The following FANCC variants were observed in gnomAD, a reference collection of about 807,000 sequenced individuals.
FANCC encodes Fanconi anemia group C protein.
In FANCC, 55 loss-of-function variants were observed where a neutral mutation model predicts 71.3. That is an observed-to-expected ratio of 0.77 (90% CI 0.62 to 0.97). The LOEUF is 0.97. Among genes scored for constraint, FANCC ranks in the 50% least tolerant of loss-of-function variants. The pLI, the probability that FANCC is intolerant of heterozygous loss-of-function variation, is 0.00. For missense variants in FANCC, 678 were observed against 670.9 expected, an observed-to-expected ratio of 1.01 and a Z score of -0.12; for synonymous variants, 275 against 244.9, an observed-to-expected ratio of 1.12 and a Z score of -1.15.
At chr9:95,248,549 T>C (rs1831137203) in intron 2 of FANCC, among the ~76,000 whole-genome samples, 2 of 152,198 alleles carry the variant, frequency 1.3e-5, no homozygotes, top group Non-Finnish European at 2.9e-5. Context: ...TTGCTTTTCA[T>C]TTTGAAATTA....
At chr9:95,187,862 G>A (rs1352690609) in intron 4 of FANCC, among the ~76,000 whole-genome samples, 1 of 152,124 alleles carries the variant, frequency 6.6e-6, no homozygotes, top group Non-Finnish European at 1.5e-5. Flanking sequence ...CGTGTGTGGT[G>A]AGATTACTTG....
intron 4 of FANCC, among the ~76,000 whole-genome samples, chr9:95,199,377 A>G (rs1219638138): frequency 6.6e-6 from 1 of 150,808 alleles, no homozygotes; most frequent in Non-Finnish European, 1.5e-5. Flanking sequence ...GGCCCCTCCT[A>G]CTCACCATGC....
intron 4 of FANCC, among the ~76,000 whole-genome samples, chr9:95,204,990 A>G (rs930280350): frequency 3.3e-5 from 5 of 152,274 alleles, no homozygotes; most frequent in Non-Finnish European, 7.3e-5. Context: ...AAGCTTGGCA[A>G]GAAGCATCAG....
chr9:95,278,840 C>T lies in FANCC; in HGVS notation c.-78-29471G>A, dbSNP rs534504917. Among the ~76,000 whole-genome samples the T allele has an allele frequency of 1.4e-4, 17 of 120,148 alleles. No individual in the cohort carries two copies. The South Asian group carries it at 4.0e-3, about 29-fold the overall frequency. The allele number at this position is 120,148 out of a possible 152,430, so 78.8% of individuals were successfully genotyped here. On this transcript the variant is annotated intron_variant, in intron 1 of 14. Transcript: ENST00000289081. ...GAGTAGCCACTAAAAAAAAAAAATTCAAAAAGAATAGTGAAAACATCATTA... is the reference window on the plus strand; with the variant it reads ...GAGTAGCCACTAAAAAAAAAAAATTTAAAAAGAATAGTGAAAACATCATTA...
At chr9:95,292,023 C>T (rs116136848) in intron 1 of FANCC, among the ~76,000 whole-genome samples, 1,439 of 136,310 alleles carry the variant, frequency 0.011, 26 homozygotes, top group African/African-American at 0.037. Context: ...AGCAATCTTG[C>T]GTCAAAAAAA....
At position 95,171,103 on chromosome 9, in the gene FANCC, A is replaced by C. The variant is rs768672598; in HGVS notation, c.497T>G (p.Leu166Arg). The C allele has an allele frequency of 7.4e-6, 12 of 1,613,614 alleles. No individual in the cohort carries two copies. Among genetic ancestry groups the C allele is most frequent in the Non-Finnish European group, 1.0e-5 (12 of 1,179,650 alleles). The change falls in exon 6 of 15, where the codon CTT becomes CGT. Residue 166 changes from leucine (L) to arginine (R), a missense_variant. Physicochemically the swap from Leu to Arg is moderately radical, Grantham distance 102 (BLOSUM62 -2). Transcript: ENST00000289081. ...SLASELRENH[L>R]NGFNTQRRMA... ...CCGCCTTTGAGTGTTAAATCCATTAAGATGATTCTCTCTGAGTTCAGACGC... is the reference window on the plus strand; with the variant it reads ...CCGCCTTTGAGTGTTAAATCCATTACGATGATTCTCTCTGAGTTCAGACGC...
At chr9:95,119,412 CT>C (rs1382455638) in intron 10 of FANCC, among the ~76,000 whole-genome samples, 2 of 147,436 alleles carry the variant, frequency 1.4e-5, no homozygotes, top group African/African-American at 5.1e-5. Flanking sequence ...TGTTGCCAAG[CT>C]GGAGTGCAGT....
chr9:95,252,894 A>C (rs1191141178), intron 1 of FANCC, among the ~76,000 whole-genome samples: 1 of 150,762 alleles, frequency 6.6e-6, no homozygotes, highest in African/African-American at 2.5e-5. Flanking sequence ...AAAAAAAAAA[A>C]ATTTTTTTTT....
intron 1 of FANCC, among the ~76,000 whole-genome samples, chr9:95,309,787 T>TG (rs1378168588): frequency 6.6e-6 from 1 of 152,130 alleles, no homozygotes. Flanking sequence ...GTTTGTGGGG[T>TG]GGGGGTGTTG....
intron 8 of FANCC, 186 bp from the exon 9 acceptor site, chr9:95,126,767 C>T (rs1426008401): frequency 2.4e-5 from 15 of 625,390 alleles, no homozygotes; most frequent in South Asian, 2.3e-4. Flanking sequence ...ACGGTGGTCT[C>T]CCTGGGCAGG....
chr9:95,274,101 C>T (rs915344749), intron 1 of FANCC, among the ~76,000 whole-genome samples: 7 of 152,062 alleles, frequency 4.6e-5, no homozygotes, highest in South Asian at 2.1e-4. Context: ...GGTATACACA[C>T]GCCATGGTGG....
At chr9:95,149,732 G>T (rs1464457689) in intron 7 of FANCC, among the ~76,000 whole-genome samples, 191 bp downstream of exon 7, 1 of 152,106 alleles carries the variant, frequency 6.6e-6, no homozygotes, top group Non-Finnish European at 1.5e-5. Context: ...ACCCGCCTTG[G>T]CCTCCCAAAG....
chr9:95,170,637 C>CGTGTGTTTGT (rs1554842446), intron 6 of FANCC, among the ~76,000 whole-genome samples: 1 of 124,290 alleles, frequency 8.0e-6, no homozygotes, highest in Non-Finnish European at 1.7e-5. Flanking sequence ...TTGTAAATAT[C>CGTGTGTTTGT]GTGTGTGTGT....
intron 1 of FANCC, among the ~76,000 whole-genome samples, chr9:95,267,653 C>T (rs1205943209): frequency 6.6e-6 from 1 of 151,990 alleles, no homozygotes; most frequent in African/African-American, 2.4e-5. Context: ...TATTTAGATG[C>T]TAAAAAATCC....
At position 95,101,736 on chromosome 9, in the gene FANCC, G is replaced by A. The variant is rs1171974166; in HGVS notation, c.1648C>T (p.Leu550Phe). Residue 550 changes from leucine to phenylalanine, a missense_variant, in exon 15 of 15, where the codon CTC becomes TTC. Transcript: ENST00000289081. ...SPRSEKLARELLKELRTQV is the reference protein window; with the variant it reads ...SPRSEKLAREFLKELRTQV The stretch of plus-strand genomic sequence containing the variant: ...ACTTGAGTTCGCAGCTCTTTAAGGA[G>A]CTCTCGGGCCAGTTTTTCTGATCTA... The A allele has an allele frequency of 6.2e-7, 1 of 1,614,126 alleles. No individual in the cohort carries two copies. The highest frequency in any genetic ancestry group is 8.5e-7 in the Non-Finnish European group (1 of 1,180,018).
intron 1 of FANCC, among the ~76,000 whole-genome samples, chr9:95,250,978 G>A (rs1831295413): frequency 6.6e-6 from 1 of 152,142 alleles, no homozygotes; most frequent in Non-Finnish European, 1.5e-5. Context: ...TGAAGACCCT[G>A]CAAAACATGG....
chr9:95,146,094 T>C (rs1829504600), intron 7 of FANCC, among the ~76,000 whole-genome samples: 2 of 152,224 alleles, frequency 1.3e-5, no homozygotes, highest in South Asian at 4.1e-4. Context: ...TTTTAAGATG[T>C]AATAATGGTA....
chr9:95,292,890 G>A, intron 1 of FANCC: 3 of 1,584,958 alleles, frequency 1.9e-6, no homozygotes, highest in Non-Finnish European at 1.7e-6. Context: ...ACTTGCAGAG[G>A]ACTGTGGCAA....
At chr9:95,155,926 A>G (rs1356259066) in intron 6 of FANCC, among the ~76,000 whole-genome samples, 1 of 138,376 alleles carries the variant, frequency 7.2e-6, no homozygotes, top group African/African-American at 2.7e-5. Flanking sequence ...GGGTTTCTCC[A>G]TGTTGCCCAG....
Sources: allele counts gnomAD v4.1 joint callset (sites outside exome capture counted in the v4.1 genomes callset), GRCh38; gene constraint gnomAD v4.1.1; transcripts MANE v1.5; gene names NCBI Gene and HGNC (gene_info 2026-07-23, HGNC 2026-07-21).